Variants in ADGRB3 observed in about 807,000 individuals in gnomAD.
The protein encoded by ADGRB3 is brain-specific angiogenesis inhibitor 3.
In ADGRB3, 37 loss-of-function variants were observed where a neutral mutation model predicts 193.4. That is an observed-to-expected ratio of 0.19 (90% CI 0.15 to 0.25). The LOEUF is 0.25. Ranked by LOEUF, ADGRB3 falls within the 10% of genes least tolerant of loss-of-function variation. ADGRB3 has a pLI of 1.00. For missense variants in ADGRB3, 1,637 were observed against 1,852.9 expected, an observed-to-expected ratio of 0.88 and a Z score of 2.14; for synonymous variants, 690 against 644.2, an observed-to-expected ratio of 1.07 and a Z score of -1.08.
chr6:69,344,488 T>C (rs1196519090), intron 26 of ADGRB3, among the ~76,000 whole-genome samples: 1 of 152,194 alleles, frequency 6.6e-6, no homozygotes, highest in Non-Finnish European at 1.5e-5. Flanking sequence ...GCAGTGAATA[T>C]GTAAAAAAGA....
intron 3 of ADGRB3, among the ~76,000 whole-genome samples, chr6:68,865,035 A>G (rs1162923932): frequency 2.6e-5 from 4 of 152,134 alleles, no homozygotes; most frequent in Non-Finnish European, 5.9e-5. Context: ...TGCTTTCTAT[A>G]CTGAAGGCTA....
intron 3 of ADGRB3, among the ~76,000 whole-genome samples, chr6:68,723,990 A>G (rs1765629561): frequency 6.6e-6 from 1 of 151,708 alleles, no homozygotes; most frequent in Non-Finnish European, 1.5e-5. Context: ...AAAGAAATAT[A>G]CAGCTCAACA....
intron 3 of ADGRB3, among the ~76,000 whole-genome samples, chr6:68,815,458 T>C (rs1252595627): frequency 1.3e-5 from 2 of 152,144 alleles, no homozygotes; most frequent in Non-Finnish European, 2.9e-5. Context: ...TTTATTGAGT[T>C]AGATTCTCTA....
chr6:68,849,873 T>A lies in ADGRB3; in HGVS notation c.758-80686T>A, dbSNP rs116715052. Among the ~76,000 whole-genome samples the A allele has an allele frequency of 4.6e-4, 70 of 151,762 alleles. 1 individual carries two copies. The highest frequency in any genetic ancestry group is 1.7e-3 in the African/African-American group (69 of 41,508). ...TTCATTTGAACTTCATAGCAGAAAA[T>A]AAACCAATAAGCTTAAAGAAAAAGT... On this transcript the variant is annotated intron_variant, in intron 3 of 31. Transcript: ENST00000370598.
At chr6:69,171,289 G>C (rs1720862906) in intron 17 of ADGRB3, among the ~76,000 whole-genome samples, 1 of 152,132 alleles carries the variant, frequency 6.6e-6, no homozygotes, top group Admixed American at 6.6e-5. Context: ...ATGGATTTTA[G>C]TTGATAAGAA....
chr6:69,200,914 T>C (rs570976796), intron 17 of ADGRB3, among the ~76,000 whole-genome samples: 1 of 152,284 alleles, frequency 6.6e-6, no homozygotes, highest in African/African-American at 2.4e-5. Context: ...AAGAAGCATT[T>C]AGAATCCATC....
rs182016278 is a variant in ADGRB3 at position 68,732,633 on chromosome 6, A to G, written c.757+93201A>G. 2.6e-5 allele frequency among the ~76,000 whole-genome samples: 4 copies of G among 152,006 alleles called. No individual in the cohort carries two copies. In the East Asian group the frequency reaches 7.8e-4, roughly 30 times the overall value. On this transcript the variant is annotated intron_variant, in intron 3 of 31. Coordinates refer to ENST00000370598, the MANE Select transcript of ADGRB3 (RefSeq NM_001704.3). ...GCAGAGCATTCAGCTGAGGTGGAAC[A>G]ATAGTCAGTTTAAAGTGCCTGAGAT...
intron 18 of ADGRB3, 151 bp from the exon 19 acceptor site, chr6:69,234,881 C>A (rs1766226308): frequency 6.9e-6 from 4 of 578,750 alleles, no homozygotes; most frequent in South Asian, 4.4e-5. Context: ...GTTGAGAATG[C>A]AAGAACAGAG....
intron 3 of ADGRB3, among the ~76,000 whole-genome samples, chr6:68,858,158 CATG>C (rs1765040865): frequency 6.6e-6 from 1 of 152,056 alleles, no homozygotes; most frequent in South Asian, 2.1e-4. Flanking sequence ...TACAGTCAGG[CATG>C]ATGTTTCATA....
intron 13 of ADGRB3, among the ~76,000 whole-genome samples, chr6:69,027,985 T>C (rs1770487500): frequency 6.6e-6 from 1 of 152,192 alleles, no homozygotes; most frequent in African/African-American, 2.4e-5. Context: ...AAATATGTTA[T>C]CCTTCCTAAC....
At chr6:69,335,299 A>G (rs1452465432) in intron 24 of ADGRB3, among the ~76,000 whole-genome samples, 1 of 152,064 alleles carries the variant, frequency 6.6e-6, no homozygotes, top group East Asian at 1.9e-4. Flanking sequence ...GAAATTATCC[A>G]TTCCAATCTA....
At chr6:69,100,866 G>GC (rs1773019598) in intron 17 of ADGRB3, among the ~76,000 whole-genome samples, 1 of 41,024 alleles carries the variant, frequency 2.4e-5, no homozygotes, top group African/African-American at 6.6e-5. Context: ...AGGAAGGAAG[G>GC]AAGGAAGAAG....
intron 20 of ADGRB3, among the ~76,000 whole-genome samples, chr6:69,312,761 G>A (rs1394389188): frequency 3.3e-5 from 5 of 151,582 alleles, no homozygotes. Flanking sequence ...TTCATAGCAG[G>A]TTCTATAAAG....
At chr6:69,010,063 G>T (rs1769889762) in intron 11 of ADGRB3, among the ~76,000 whole-genome samples, 2 of 151,958 alleles carry the variant, frequency 1.3e-5, no homozygotes, top group South Asian at 4.2e-4. Context: ...CCTCTACTTT[G>T]AATGCCACAG....
At chr6:69,125,235 T>G (rs545783849) in intron 17 of ADGRB3, among the ~76,000 whole-genome samples, 10 of 152,178 alleles carry the variant, frequency 6.6e-5, no homozygotes, top group Non-Finnish European at 1.2e-4. Context: ...TAGCCTCTAT[T>G]CCTCTTCTTA....
At chr6:68,804,778 A>T (rs1174941116) in intron 3 of ADGRB3, among the ~76,000 whole-genome samples, 2 of 152,274 alleles carry the variant, frequency 1.3e-5, no homozygotes, top group South Asian at 2.1e-4. Flanking sequence ...ATTTAAATCA[A>T]TATTTAAAAT....
chr6:69,101,270 T>C (rs1418424926), intron 17 of ADGRB3, among the ~76,000 whole-genome samples: 1 of 152,092 alleles, frequency 6.6e-6, no homozygotes, highest in East Asian at 1.9e-4. Flanking sequence ...GCATATAGCA[T>C]GTATGGATTG....
At chr6:68,923,939 AG>A (rs1239412985) in intron 3 of ADGRB3, among the ~76,000 whole-genome samples, 2 of 152,086 alleles carry the variant, frequency 1.3e-5, no homozygotes, top group African/African-American at 4.8e-5. Context: ...ATGCTGTAAG[AG>A]TTTTAGTCTG....
At chr6:68,788,604 G>A (rs529823785) in intron 3 of ADGRB3, among the ~76,000 whole-genome samples, 1 of 152,330 alleles carries the variant, frequency 6.6e-6, no homozygotes, top group Non-Finnish European at 1.5e-5. Context: ...TAGGTGTGGT[G>A]TGGTGCCGAA....
Sources: gnomAD v4.1 joint callset for allele counts (sites outside exome capture counted in the v4.1 genomes callset) on GRCh38, gnomAD v4.1.1 for gene constraint, MANE v1.5 for transcripts, NCBI Gene and HGNC (gene_info 2026-07-23, HGNC 2026-07-21) for gene names.